HSD17B12: variants seen among roughly 807,000 people sequenced by gnomAD.
HSD17B12 encodes the protein hydroxysteroid 17-beta dehydrogenase 12.
Under a neutral mutation model 39.3 loss-of-function variants are expected in HSD17B12, and 32 were observed. The ratio of observed to expected loss-of-function variants is 0.81; its 90% CI spans 0.61 to 1.09. HSD17B12 has a LOEUF of 1.09. Among genes scored for constraint, HSD17B12 ranks in the 50% least tolerant of loss-of-function variants. The pLI is 0.00. For missense variants in HSD17B12, 342 were observed against 382.9 expected (o/e 0.89, Z 0.89); for synonymous variants, 150 against 146.7 (o/e 1.02, Z -0.16).
chr11:43,563,648 C>G, the HSD17B12 span, among the ~76,000 whole-genome samples: 1 of 152,146 alleles, frequency 6.6e-6, no homozygotes, highest in African/African-American at 2.4e-5. Context: ...GAACTCATCT[C>G]TACTAAATTT....
the HSD17B12 span, among the ~76,000 whole-genome samples, chr11:43,635,540 G>A: frequency 6.6e-6 from 1 of 152,194 alleles, no homozygotes; most frequent in Non-Finnish European, 1.5e-5. Flanking sequence ...GTTCAGCTAA[G>A]TGCTGAAATG....
the HSD17B12 span, among the ~76,000 whole-genome samples, chr11:43,600,318 C>CT: frequency 9.2e-3 from 1,355 of 146,786 alleles, 15 homozygotes; most frequent in East Asian, 0.03. Context: ...ATTGTAAACA[C>CT]TTTTTTTTTT....
At chr11:43,675,764 A>G (rs1949689408), upstream of HSD17B12, among the ~76,000 whole-genome samples, 2 of 152,168 alleles carry the variant, frequency 1.3e-5, no homozygotes, top group South Asian at 4.1e-4. Flanking sequence ...TTTTGGAAGT[A>G]GAGTGAATAA....
At chr11:43,658,153 C>T in the HSD17B12 span, among the ~76,000 whole-genome samples, 5,620 of 152,270 alleles carry the variant, frequency 0.037, 158 homozygotes, top group South Asian at 0.11. Flanking sequence ...ATTTCATCTT[C>T]CACCGCTGAT....
chr11:43,770,396 C>G (rs1950637741), intron 3 of HSD17B12, among the ~76,000 whole-genome samples: 1 of 152,126 alleles, frequency 6.6e-6, no homozygotes, highest in Admixed American at 6.6e-5. Context: ...TTATTAGGAC[C>G]TCTTCACTTG....
intron 4 of HSD17B12, among the ~76,000 whole-genome samples, chr11:43,805,294 T>C (rs552692541): frequency 3.3e-5 from 5 of 152,356 alleles, no homozygotes; most frequent in African/African-American, 1.2e-4. Flanking sequence ...TTAATTCTTA[T>C]TGGAACTAGT....
In HSD17B12 at chr11:43,755,054, T is replaced by G. The variant is rs567099465; in HGVS notation, c.283+933T>G. The G allele has an allele frequency of 7.9e-4, 341 of 430,506 alleles. 2 individuals are homozygous for G. The highest frequency in any genetic ancestry group is 1.3e-3 in the Non-Finnish European group (310 of 243,020). 26.7% of individuals were successfully genotyped at this position (430,506 alleles called of 1,614,324 possible). A position where few individuals can be genotyped will look rare whatever the true frequency, so the allele number is the denominator to read the frequency against. On this transcript the variant is annotated intron_variant, in intron 3 of 10. Transcript: ENST00000278353. ...TGTGTATAATGCTTATATACTTTTA[T>G]CCTCACAAATCAAATTGTTTACTTA...
At chr11:43,565,343 C>A in the HSD17B12 span, among the ~76,000 whole-genome samples, 1 of 152,280 alleles carries the variant, frequency 6.6e-6, no homozygotes, top group South Asian at 2.1e-4. Flanking sequence ...TGAATAGGAG[C>A]AGCCAAGCTA....
At chr11:43,607,002 A>G in the HSD17B12 span, among the ~76,000 whole-genome samples, 2 of 152,222 alleles carry the variant, frequency 1.3e-5, no homozygotes, top group Non-Finnish European at 2.9e-5. Flanking sequence ...TGGGAATCCC[A>G]GTAGTCCCTA....
At chr11:43,743,007 T>C (rs535083318) in intron 1 of HSD17B12, among the ~76,000 whole-genome samples, 10 of 152,364 alleles carry the variant, frequency 6.6e-5, no homozygotes, top group Admixed American at 3.3e-4. Context: ...ATGGGTAATT[T>C]ATAGAATATC....
the HSD17B12 span, among the ~76,000 whole-genome samples, chr11:43,604,436 A>C: frequency 4.6e-5 from 7 of 152,326 alleles, no homozygotes; most frequent in Non-Finnish European, 8.8e-5. Context: ...TTATTTTGTC[A>C]ATGTAGACCT....
chr11:43,727,166 C>T (rs994439551), intron 1 of HSD17B12, among the ~76,000 whole-genome samples: 3 of 152,204 alleles, frequency 2.0e-5, no homozygotes, highest in Admixed American at 6.5e-5. Context: ...TGAGGCATCA[C>T]AGGCCAAGAG....
chr11:43,701,526 G>A (rs942892178), intron 1 of HSD17B12, among the ~76,000 whole-genome samples: 1 of 152,140 alleles, frequency 6.6e-6, no homozygotes, highest in South Asian at 2.1e-4. Context: ...GCAAGAGATA[G>A]GGGGTCTAGT....
the HSD17B12 span, among the ~76,000 whole-genome samples, chr11:43,657,962 G>A: frequency 6.6e-6 from 1 of 152,214 alleles, no homozygotes; most frequent in East Asian, 1.9e-4. Context: ...GATTGGGGAA[G>A]TTCTCCTGGA....
chr11:43,574,807 A>T, the HSD17B12 span, among the ~76,000 whole-genome samples: 1 of 152,204 alleles, frequency 6.6e-6, no homozygotes, highest in Non-Finnish European at 1.5e-5. Context: ...GGTAAACGTC[A>T]CCTCGCCTTA....
intron 3 of HSD17B12, among the ~76,000 whole-genome samples, chr11:43,765,399 C>T (rs1241931559): frequency 6.6e-6 from 1 of 151,114 alleles, no homozygotes; most frequent in Non-Finnish European, 1.5e-5. Flanking sequence ...TTATTCTTAC[C>T]ATTTTATCAC....
the HSD17B12 span, among the ~76,000 whole-genome samples, chr11:43,624,813 T>C: frequency 1.3e-5 from 2 of 151,748 alleles, no homozygotes; most frequent in Non-Finnish European, 1.5e-5. Flanking sequence ...ATGAAACATA[T>C]CAGATATTGA....
At chr11:43,785,032 A>G (rs539557221) in intron 3 of HSD17B12, among the ~76,000 whole-genome samples, 1 of 152,288 alleles carries the variant, frequency 6.6e-6, no homozygotes, top group South Asian at 2.1e-4. Flanking sequence ...TAGCTTTTCT[A>G]TAAACATAAC....
chr11:43,583,543 A>C, the HSD17B12 span, among the ~76,000 whole-genome samples: 5 of 152,008 alleles, frequency 3.3e-5, no homozygotes, highest in Admixed American at 6.6e-5. Flanking sequence ...CCTTCACAAT[A>C]AGTGAAAATA....
Sources: allele counts gnomAD v4.1 joint callset (sites outside exome capture counted in the v4.1 genomes callset), GRCh38; gene constraint gnomAD v4.1.1; transcripts MANE v1.5; gene names NCBI Gene and HGNC (gene_info 2026-07-23, HGNC 2026-07-21).